CPXM2: variants seen among roughly 807,000 people sequenced by gnomAD.
The protein encoded by CPXM2 is inactive carboxypeptidase-like protein X2.
In CPXM2, 66 loss-of-function variants were observed where a neutral mutation model predicts 86.1. The observed-to-expected ratio is 0.77, with a 90% confidence interval of 0.63 to 0.94. CPXM2 has a LOEUF of 0.94. Ranked by LOEUF, CPXM2 falls within the 40% of genes least tolerant of loss-of-function variation. The pLI, the probability that CPXM2 is intolerant of heterozygous loss-of-function variation, is 0.00. For missense variants in CPXM2, 948 were observed against 1,026.3 expected (o/e 0.92, Z 1.04); for synonymous variants, 388 against 400.2 (o/e 0.97, Z 0.36).
chr10:123,873,144 G>C (rs191804139), intron 2 of CPXM2, among the ~76,000 whole-genome samples: 1 of 152,072 alleles, frequency 6.6e-6, no homozygotes, highest in Non-Finnish European at 1.5e-5. Context: ...TATACATTAC[G>C]ATTTATACTT....
chr10:123,898,056 G>T (rs535417426), intron 2 of CPXM2, among the ~76,000 whole-genome samples: 1 of 152,316 alleles, frequency 6.6e-6, no homozygotes, highest in African/African-American at 2.4e-5. Context: ...CAGACTCCAC[G>T]CCAGGGGTCT....
intron 4 of CPXM2, among the ~76,000 whole-genome samples, chr10:123,800,977 C>CT (rs1206232149): frequency 6.6e-6 from 1 of 152,228 alleles, no homozygotes; most frequent in Non-Finnish European, 1.5e-5. Context: ...GCTCTACACT[C>CT]TGACGTGACA....
chr10:123,874,086 CT>C (rs1164389526), intron 2 of CPXM2, among the ~76,000 whole-genome samples: 2 of 152,070 alleles, frequency 1.3e-5, no homozygotes, highest in Admixed American at 6.6e-5. Flanking sequence ...TTGTCTCAAA[CT>C]CCTGAGCTCA....
chr10:123,746,656 A>G lies in CPXM2; in HGVS notation c.*108T>C. The G allele has an allele frequency of 9.2e-7, 1 of 1,084,482 alleles. No individual in the cohort carries two copies. Among genetic ancestry groups the G allele is most frequent in the South Asian group, 1.5e-5 (1 of 67,114 alleles). The allele number at this position is 1,084,482 out of a possible 1,614,324, so 67.2% of individuals were successfully genotyped here. On this transcript the variant is annotated 3_prime_UTR_variant, in exon 14 of 14. Transcript: ENST00000241305. ...TCACAATGCACCCTCTCTTCCAGGC[A>G]CTTCTTGAATTACAGAGGAAACAAC...
At chr10:123,914,739 T>TC (rs1945520916) in intron 2 of CPXM2, among the ~76,000 whole-genome samples, 1 of 152,094 alleles carries the variant, frequency 6.6e-6, no homozygotes, top group Non-Finnish European at 1.5e-5. Flanking sequence ...CTTCCCTGAT[T>TC]CCCCAAGATT....
intron 1 of CPXM2, among the ~76,000 whole-genome samples, chr10:123,890,735 C>T (rs1478061872): frequency 1.3e-5 from 2 of 152,188 alleles, no homozygotes; most frequent in East Asian, 1.9e-4. Flanking sequence ...GGATGAAAGA[C>T]GGAGCACTGC....
chr10:123,939,508 TGCCTCA>T (rs1434592324), exon 2 of CPXM2: 1 of 152,212 alleles, frequency 6.6e-6, no homozygotes, highest in East Asian at 1.9e-4. Context: ...GTTGTTGAAC[TGCCTCA>T]GCCTCAGTTT....
chr10:123,908,516 C>T (rs1945462944), intron 2 of CPXM2, among the ~76,000 whole-genome samples: 1 of 152,186 alleles, frequency 6.6e-6, no homozygotes, highest in Non-Finnish European at 1.5e-5. Context: ...ACTCAATCTG[C>T]AGCCTAGTAG....
At chr10:123,881,800 T>C (rs2134235192) in intron 1 of CPXM2, among the ~76,000 whole-genome samples, 1 of 152,284 alleles carries the variant, frequency 6.6e-6, no homozygotes, top group Non-Finnish European at 1.5e-5. Context: ...CCATCTTGGG[T>C]GGCAGCATCC....
intron 3 of CPXM2, among the ~76,000 whole-genome samples, chr10:123,854,433 TA>T (rs1214785303): frequency 8.3e-6 from 1 of 121,170 alleles, no homozygotes; most frequent in African/African-American, 3.1e-5. Flanking sequence ...AATATATATA[TA>T]ATATACTTTT....
chr10:123,802,031 T>G (rs1991398), intron 4 of CPXM2, among the ~76,000 whole-genome samples: 20,447 of 152,228 alleles, frequency 0.13, 1,549 homozygotes, highest in East Asian at 0.33. Context: ...CGTATAAGCA[T>G]CTCACAGATG....
chr10:123,796,400 G>A (rs1035157862), intron 6 of CPXM2, among the ~76,000 whole-genome samples: 2 of 152,050 alleles, frequency 1.3e-5, no homozygotes, highest in Non-Finnish European at 2.9e-5. Flanking sequence ...TTTTTTCCAC[G>A]GGCTAGGGGA....
chr10:123,914,275 A>G (rs1458629155), intron 2 of CPXM2, among the ~76,000 whole-genome samples: 2 of 152,114 alleles, frequency 1.3e-5, no homozygotes, highest in African/African-American at 4.8e-5. Context: ...ACATTCTCCC[A>G]TCTGGGATAC....
chr10:123,773,971 G>T (rs1846720328), intron 7 of CPXM2, among the ~76,000 whole-genome samples: 1 of 152,200 alleles, frequency 6.6e-6, no homozygotes, highest in African/African-American at 2.4e-5. Flanking sequence ...CACTGAATGA[G>T]TATCTGTGAG....
chr10:123,834,720 G>C (rs796610479), intron 4 of CPXM2, among the ~76,000 whole-genome samples: 82 of 152,310 alleles, frequency 5.4e-4, no homozygotes, highest in African/African-American at 1.9e-3. Flanking sequence ...GTGGAAATCT[G>C]ATCCCGTGTT....
chr10:123,914,743 C>T (rs1233170335), intron 2 of CPXM2, among the ~76,000 whole-genome samples: 1 of 152,162 alleles, frequency 6.6e-6, no homozygotes. Context: ...CCTGATTCCC[C>T]AAGATTTCAC....
intron 11 of CPXM2, among the ~76,000 whole-genome samples, chr10:123,757,569 G>T (rs1481295156): frequency 6.6e-6 from 1 of 152,242 alleles, no homozygotes; most frequent in East Asian, 1.9e-4. Context: ...ATGGTTTGTG[G>T]TGAGGACAGA....
intron 3 of CPXM2, among the ~76,000 whole-genome samples, chr10:123,849,437 C>CTTTT (rs11317738): frequency 5.4e-5 from 6 of 110,168 alleles, no homozygotes; most frequent in Admixed American, 1.0e-4. Flanking sequence ...AACGTTCACT[C>CTTTT]TTTTTTTTTT....
intron 2 of CPXM2, among the ~76,000 whole-genome samples, chr10:123,872,068 G>A (rs1047077834): frequency 6.6e-6 from 1 of 152,196 alleles, no homozygotes; most frequent in Non-Finnish European, 1.5e-5. Flanking sequence ...TGGTAAGGAT[G>A]TGAAGCAACT....
Sources: allele counts gnomAD v4.1 joint callset (sites outside exome capture counted in the v4.1 genomes callset), GRCh38; gene constraint gnomAD v4.1.1; transcripts MANE v1.5; gene names NCBI Gene and HGNC (gene_info 2026-07-23, HGNC 2026-07-21).